Variants in FHIT observed in about 807,000 individuals in gnomAD.
FHIT encodes the protein fragile histidine triad diadenosine triphosphatase, also known as bis(5'-adenosyl)-triphosphatase.
In FHIT, 19 loss-of-function variants were observed where a neutral mutation model predicts 17.9. The ratio of observed to expected loss-of-function variants is 1.06; its 90% CI spans 0.74 to 1.56. The LOEUF (loss-of-function observed/expected upper bound fraction) is 1.56. FHIT is among the 40% of genes most tolerant of loss of function. The pLI is 0.00. For synonymous variants in FHIT, 81 were observed against 69.7 expected (o/e 1.16, Z -0.81); for missense variants, 248 against 189.2 (o/e 1.31, Z -1.82).
chr3:59,815,073 C>G (rs1044410081), intron 8 of FHIT, among the ~76,000 whole-genome samples: 2 of 152,126 alleles, frequency 1.3e-5, no homozygotes, highest in Non-Finnish European at 2.9e-5. Context: ...TCACCTGCTT[C>G]GGAGAACCTG....
chr3:61,019,710 C>A (rs1298543900), intron 3 of FHIT, among the ~76,000 whole-genome samples: 1 of 152,148 alleles, frequency 6.6e-6, no homozygotes, highest in East Asian at 1.9e-4. Context: ...AAACATTACA[C>A]AGGAACAAGC....
intron 6 of FHIT, among the ~76,000 whole-genome samples, chr3:60,011,955 C>A (rs1700154575): frequency 6.6e-6 from 1 of 152,096 alleles, no homozygotes; most frequent in African/African-American, 2.4e-5. Context: ...TGGAAATGGG[C>A]AAACTCACCA....
intron 5 of FHIT, among the ~76,000 whole-genome samples, chr3:60,447,701 A>G (rs2031438501): frequency 6.6e-6 from 1 of 152,166 alleles, no homozygotes; most frequent in Non-Finnish European, 1.5e-5. Flanking sequence ...TAAGTTTATC[A>G]GGGAGCAAGA....
At chr3:60,439,320 T>G (rs2030581284) in intron 5 of FHIT, among the ~76,000 whole-genome samples, 1 of 152,162 alleles carries the variant, frequency 6.6e-6, no homozygotes, top group South Asian at 2.1e-4. Context: ...CATTTTTATT[T>G]CTTGGTAAAG....
chr3:61,137,834 C>T (rs1267510227), intron 2 of FHIT, among the ~76,000 whole-genome samples: 1 of 152,232 alleles, frequency 6.6e-6, no homozygotes, highest in Non-Finnish European at 1.5e-5. Context: ...ATCAGTCTTA[C>T]TCTCTCCCCA....
At chr3:59,844,189 C>G (rs1701632913) in intron 8 of FHIT, among the ~76,000 whole-genome samples, 1 of 152,150 alleles carries the variant, frequency 6.6e-6, no homozygotes, top group African/African-American at 2.4e-5. Flanking sequence ...ATAAATTACT[C>G]TGTCTCAGGT....
chr3:60,633,945 C>T (rs1559600761), intron 4 of FHIT, among the ~76,000 whole-genome samples: 1 of 152,216 alleles, frequency 6.6e-6, no homozygotes, highest in Non-Finnish European at 1.5e-5. Context: ...AGGCTCATAG[C>T]ATATGATTTC....
chr3:60,215,257 C>T (rs2107524287), intron 5 of FHIT, among the ~76,000 whole-genome samples: 1 of 152,124 alleles, frequency 6.6e-6, no homozygotes, highest in South Asian at 2.1e-4. Context: ...GTTGGGAGGC[C>T]AAGGCAAGTG....
At chr3:59,900,915 G>GGCCAC (rs1575665851) in intron 8 of FHIT, among the ~76,000 whole-genome samples, 2 of 152,212 alleles carry the variant, frequency 1.3e-5, no homozygotes, top group East Asian at 3.9e-4. Context: ...CGCCCGGCCA[G>GGCCAC]GCCACACTGT....
chr3:60,452,140 A>T (rs550006023), intron 5 of FHIT, among the ~76,000 whole-genome samples: 1 of 152,210 alleles, frequency 6.6e-6, no homozygotes, highest in South Asian at 2.1e-4. Context: ...CTGTAACCAC[A>T]TATCTTCATT....
chr3:60,765,075 T>C (rs1222083858), intron 4 of FHIT, among the ~76,000 whole-genome samples: 1 of 152,138 alleles, frequency 6.6e-6, no homozygotes, highest in Non-Finnish European at 1.5e-5. Flanking sequence ...AACTGCAAGA[T>C]TTGAAGCTCA....
At chr3:60,441,487 C>T (rs770289357) in intron 5 of FHIT, among the ~76,000 whole-genome samples, 63 of 151,550 alleles carry the variant, frequency 4.2e-4, no homozygotes, top group Non-Finnish European at 7.1e-4. Flanking sequence ...TCTCAAACTT[C>T]TCCTTGAACA....
chr3:61,020,796 G>C (rs1469440427), intron 3 of FHIT, among the ~76,000 whole-genome samples: 1 of 152,056 alleles, frequency 6.6e-6, no homozygotes, highest in Non-Finnish European at 1.5e-5. Flanking sequence ...CCCATCTTAT[G>C]TGCAAAGACA....
intron 5 of FHIT, among the ~76,000 whole-genome samples, chr3:60,526,778 G>A (rs1452470273): frequency 6.6e-6 from 1 of 152,138 alleles, no homozygotes; most frequent in Admixed American, 6.5e-5. Flanking sequence ...CAGTACCTGT[G>A]TCAGCCTGCA....
intron 1 of FHIT, among the ~76,000 whole-genome samples, chr3:61,244,854 T>C (rs185573238): frequency 6.6e-6 from 1 of 152,318 alleles, no homozygotes; most frequent in African/African-American, 2.4e-5. Context: ...TTTACCAGTT[T>C]TGGGGGTCTT....
intron 4 of FHIT, among the ~76,000 whole-genome samples, chr3:60,710,853 C>T (rs1004727094): frequency 6.6e-6 from 1 of 152,194 alleles, no homozygotes; most frequent in African/African-American, 2.4e-5. Context: ...AGGGCACAGA[C>T]AAACAAAAAG....
In FHIT at chr3:60,609,576, C is replaced by G. The variant is rs138908149; in HGVS notation, c.-17-72597G>C. On this transcript the variant is annotated intron_variant, in intron 4 of 9. Coordinates refer to ENST00000492590, the MANE Select transcript of FHIT (RefSeq NM_002012.4). ...TCCTGACCTTGTGACTCACCCACCT[C>G]GGCCTCCCACAGTGCTGGAATTACA... 9.2e-3 allele frequency among the ~76,000 whole-genome samples: 1,399 copies of G among 152,254 alleles called. 25 individuals carry two copies. Among genetic ancestry groups the G allele is most frequent in the African/African-American group, 0.031 (1,291 of 41,546 alleles).
chr3:60,195,530 C>T lies in FHIT; in HGVS notation c.104-181378G>A, dbSNP rs146903443. On this transcript the variant is annotated intron_variant, in intron 5 of 9. Coordinates refer to ENST00000492590, the MANE Select transcript of FHIT (RefSeq NM_002012.4). ...ACCTAAGTGACCATAAACCAATAAGCGGATAAGGAAAATGTGATATATATA... is the reference window on the plus strand; with the variant it reads ...ACCTAAGTGACCATAAACCAATAAGTGGATAAGGAAAATGTGATATATATA... Among the ~76,000 whole-genome samples, 237 of 72,876 alleles carry T rather than the reference C, an allele frequency of 3.3e-3. 2 individuals carry two copies. The East Asian group carries it at 0.033, about 10-fold the overall frequency. 47.8% of individuals were successfully genotyped at this position (72,876 alleles called of 152,430 possible).
chr3:60,300,917 CT>C (rs1176952173), intron 5 of FHIT, among the ~76,000 whole-genome samples: 4 of 152,034 alleles, frequency 2.6e-5, no homozygotes, highest in Non-Finnish European at 5.9e-5. Flanking sequence ...CCCCCATTCT[CT>C]TTTACCTGTA....
Sources: allele counts gnomAD v4.1 joint callset (sites outside exome capture counted in the v4.1 genomes callset), GRCh38; gene constraint gnomAD v4.1.1; transcripts MANE v1.5; gene names NCBI Gene and HGNC (gene_info 2026-07-23, HGNC 2026-07-21).